ADGRL2: variants seen among roughly 807,000 people sequenced by gnomAD.
ADGRL2 encodes calcium-independent alpha-latrotoxin receptor 2.
Under a neutral mutation model 157.4 loss-of-function variants are expected in ADGRL2, and 44 were observed. The observed-to-expected ratio is 0.28, with a 90% CI of 0.22 to 0.36. The LOEUF (loss-of-function observed/expected upper bound fraction) is 0.36, where lower values mean the gene tolerates loss of function less well. ADGRL2 is among the 10% of genes least tolerant of loss of function. The pLI is 1.00. For missense variants in ADGRL2, 1,510 were observed against 1,768.9 expected (o/e 0.85, Z 2.63); for synonymous variants, 585 against 624.7 (o/e 0.94, Z 0.95).
chr1:81,584,811 G>T (rs1041687016), intron 3 of ADGRL2, among the ~76,000 whole-genome samples: 1 of 152,070 alleles, frequency 6.6e-6, no homozygotes, highest in Non-Finnish European at 1.5e-5. Context: ...TAACTTCTAA[G>T]ATTTTCCCGA....
intron 2 of ADGRL2, among the ~76,000 whole-genome samples, chr1:81,789,595 G>A (rs1250371023): frequency 5.3e-5 from 8 of 151,118 alleles, no homozygotes; most frequent in African/African-American, 1.9e-4. Flanking sequence ...GTGTGGTGGT[G>A]GGCGCCTGTA....
At chr1:81,910,706 A>G (rs2094700808) in intron 3 of ADGRL2, among the ~76,000 whole-genome samples, 1 of 150,206 alleles carries the variant, frequency 6.7e-6, no homozygotes, top group African/African-American at 2.4e-5. Flanking sequence ...ATAAATAATT[A>G]TTGCTTATAT....
intron 1 of ADGRL2, among the ~76,000 whole-genome samples, chr1:81,733,259 A>G (rs2084785224): frequency 6.6e-6 from 1 of 152,222 alleles, no homozygotes; most frequent in Non-Finnish European, 1.5e-5. Flanking sequence ...AAAGCAGACC[A>G]ATCATTAATT....
intron 3 of ADGRL2, among the ~76,000 whole-genome samples, chr1:81,616,583 A>T (rs1183006100): frequency 6.6e-6 from 1 of 150,956 alleles, no homozygotes; most frequent in Admixed American, 6.6e-5. Context: ...GTTCAGCACT[A>T]TGAGTCCTCT....
chr1:81,846,219 A>G (rs1308435268), intron 2 of ADGRL2, among the ~76,000 whole-genome samples: 3 of 151,804 alleles, frequency 2.0e-5, no homozygotes, highest in Admixed American at 2.0e-4. Context: ...AAGAAAAAGA[A>G]TAGAAGTAAA....
intron 1 of ADGRL2, among the ~76,000 whole-genome samples, chr1:81,709,508 G>A (rs1454120584): frequency 2.6e-5 from 4 of 151,944 alleles, no homozygotes; most frequent in Non-Finnish European, 4.4e-5. Flanking sequence ...TTGGCTTGAA[G>A]GAAGCAGAAT....
At chr1:81,329,684 T>C (rs907907893) in intron 1 of ADGRL2, among the ~76,000 whole-genome samples, 38 of 152,304 alleles carry the variant, frequency 2.5e-4, no homozygotes, top group African/African-American at 8.7e-4. Context: ...ATATCAAAAC[T>C]GCCCAAACCA....
intron 2 of ADGRL2, among the ~76,000 whole-genome samples, chr1:81,779,291 CTT>C (rs999731071): frequency 5.3e-5 from 8 of 152,072 alleles, no homozygotes; most frequent in African/African-American, 1.7e-4. Context: ...TGAGAGAACT[CTT>C]AGAAAGGGTG....
intron 2 of ADGRL2, among the ~76,000 whole-genome samples, chr1:81,860,775 AG>A (rs2093363024): frequency 6.6e-6 from 1 of 152,194 alleles, no homozygotes; most frequent in Non-Finnish European, 1.5e-5. Flanking sequence ...GCTGACTTTC[AG>A]CCGTGAAATA....
chr1:81,358,382 C>G (rs1347957320), intron 1 of ADGRL2, among the ~76,000 whole-genome samples: 1 of 152,116 alleles, frequency 6.6e-6, no homozygotes, highest in Non-Finnish European at 1.5e-5. Flanking sequence ...ATTGTATGCC[C>G]TGTGTACTCA....
At chr1:81,889,309 A>G (rs2094205069) in intron 2 of ADGRL2, among the ~76,000 whole-genome samples, 1 of 152,246 alleles carries the variant, frequency 6.6e-6, no homozygotes, top group African/African-American at 2.4e-5. Flanking sequence ...AAGTAAATTA[A>G]AAGTGCTACT....
Position 81,966,441 on chromosome 1 carries a change from G to A in ADGRL2, c.2181G>A (p.Leu727=). 1 of 1,614,056 alleles carries A rather than the reference G, an allele frequency of 6.2e-7. No individual in the cohort carries two copies. Among genetic ancestry groups the A allele is most frequent in the Non-Finnish European group, 8.5e-7 (1 of 1,180,002 alleles). Residue 727 remains leucine (L), a synonymous_variant, in exon 13 of 24, where the codon CTG becomes CTA. Coordinates refer to ENST00000686636, the MANE Select transcript of ADGRL2 (RefSeq NM_001366006.2). ...AKLVFIIYRS[L]GQFLSTENAT... is the part of the protein sequence containing the mutation. The stretch of plus-strand genomic sequence containing the variant: ...TGGTGTTCATCATTTACCGGAGCCT[G>A]GGACAGTTCCTTAGTACAGAAAATG...
At chr1:81,970,221 A>T in intron 15 of ADGRL2, 93 bp from the exon 16 acceptor site, 1 of 835,960 alleles carries the variant, frequency 1.2e-6, no homozygotes, top group Non-Finnish European at 2.0e-6. Context: ...TTGAAATAAT[A>T]GTGATTTCTC....
chr1:81,333,401 TA>T (rs141398697), intron 1 of ADGRL2, among the ~76,000 whole-genome samples: 38 of 151,284 alleles, frequency 2.5e-4, no homozygotes, highest in African/African-American at 7.8e-4. Context: ...TTTAATTAAT[TA>T]ATTAATTAAT....
intron 2 of ADGRL2, among the ~76,000 whole-genome samples, chr1:81,494,578 C>G (rs1389764489): frequency 6.6e-6 from 1 of 152,086 alleles, no homozygotes; most frequent in East Asian, 1.9e-4. Flanking sequence ...GTAACTTCCT[C>G]AAGAACACAG....
At chr1:81,312,611 C>T (rs1056596481) in intron 1 of ADGRL2, among the ~76,000 whole-genome samples, 2 of 152,156 alleles carry the variant, frequency 1.3e-5, no homozygotes, top group African/African-American at 4.8e-5. Flanking sequence ...TTTTGTTTCT[C>T]AGCTCTTAGT....
At chr1:81,733,700 A>C (rs1325119635) in intron 1 of ADGRL2, among the ~76,000 whole-genome samples, 2 of 152,182 alleles carry the variant, frequency 1.3e-5, no homozygotes, top group Non-Finnish European at 2.9e-5. Context: ...TGAGTGGAAG[A>C]GCATCCTTCT....
At chr1:81,961,179 A>G (rs1020975930) in intron 11 of ADGRL2, among the ~76,000 whole-genome samples, 2 of 152,246 alleles carry the variant, frequency 1.3e-5, no homozygotes, top group African/African-American at 2.4e-5. Flanking sequence ...ATTCATGTTC[A>G]GAAAATCTAT....
chr1:81,372,572 T>C (rs1220224325), intron 1 of ADGRL2, among the ~76,000 whole-genome samples: 2 of 152,212 alleles, frequency 1.3e-5, no homozygotes, highest in African/African-American at 2.4e-5. Flanking sequence ...GTTTTTGGCT[T>C]CCTTTGCTTA....
Sources: gnomAD v4.1 joint callset for allele counts (sites outside exome capture counted in the v4.1 genomes callset) on GRCh38, gnomAD v4.1.1 for gene constraint, MANE v1.5 for transcripts, NCBI Gene and HGNC (gene_info 2026-07-23, HGNC 2026-07-21) for gene names.